KRTAP2-2: variants seen among roughly 807,000 people sequenced by gnomAD.
KRTAP2-2 encodes keratin associated protein 2-2.
In KRTAP2-2, 3 loss-of-function variants were observed where a neutral mutation model predicts 10.2. The ratio of observed to expected loss-of-function variants is 0.29; its 90% confidence interval spans 0.13 to 0.76. KRTAP2-2 has a LOEUF of 0.76. Ranked by LOEUF, KRTAP2-2 falls within the 30% of genes least tolerant of loss-of-function variation. KRTAP2-2 has a pLI of 0.67. For synonymous variants in KRTAP2-2, 20 were observed against 70.8 expected, an observed-to-expected ratio of 0.28 and a Z score of 3.60; for missense variants, 54 against 163.6, an observed-to-expected ratio of 0.33 and a Z score of 3.65.
chr17:41,055,197 G>A, exon 1 of KRTAP2-2: 1 of 1,421,430 alleles, frequency 7.0e-7, no homozygotes, highest in Non-Finnish European at 9.2e-7. Flanking sequence ...TGGAGCCGCA[G>A]CAGGAGCCGG....
chr17:41,055,193 C>T (rs1329667432), exon 1 of KRTAP2-2: 5 of 1,421,714 alleles, frequency 3.5e-6, no homozygotes, highest in East Asian at 2.5e-5. Context: ...AAGGTGGAGC[C>T]GCAGCAGGAG....
chr17:41,054,680 G>C, exon 1 of KRTAP2-2: 3 of 1,525,326 alleles, frequency 2.0e-6, no homozygotes, highest in South Asian at 1.2e-5. Flanking sequence ...ATTGCTCTGC[G>C]GTGAAGCCCT....
At chr17:41,055,028 C>T (rs1184430602) in exon 1 of KRTAP2-2, 16 of 1,108,478 alleles carry the variant, frequency 1.4e-5, no homozygotes, top group Non-Finnish European at 2.0e-5. Flanking sequence ...TCGCAGCACA[C>T]CGGGCGGCGG....
exon 1 of KRTAP2-2, chr17:41,055,129 G>C: frequency 7.5e-7 from 1 of 1,334,298 alleles, no homozygotes; most frequent in African/African-American, 1.6e-5. Flanking sequence ...GCAGCAGCAG[G>C]GGTCGCGGCA....
chr17:41,055,164 C>T (rs2013053878), exon 1 of KRTAP2-2: 2 of 1,394,698 alleles, frequency 1.4e-6, no homozygotes, highest in Non-Finnish European at 1.9e-6. Flanking sequence ...AGCAGCCTCC[C>T]CCGTAGCTCA....
chr17:41,054,785 G>A (rs402649), exon 1 of KRTAP2-2: 1 of 1,521,420 alleles, frequency 6.6e-7, no homozygotes, highest in African/African-American at 1.7e-5. Flanking sequence ...GTGCTGCAAG[G>A]GGTCGGCTGG....
chr17:41,054,710 C>T, exon 1 of KRTAP2-2: 1 of 1,536,706 alleles, frequency 6.5e-7, no homozygotes, highest in South Asian at 1.2e-5. Context: ...CGGGATGGAC[C>T]TGGCCATCTT....
rs395190 is a variant in KRTAP2-2, at chr17:41,054,758, A to G, written c.*82T>C. 0.017 allele frequency: 25,134 copies of G among 1,521,652 alleles called. 5,309 individuals carry two copies. The African/African-American group carries it at 0.39, about 23-fold the overall frequency. The allele number at this position is 1,521,652 out of a possible 1,614,324, so 94.3% of individuals were successfully genotyped here. A position where few individuals can be genotyped will look rare whatever the true frequency, so the allele number is the denominator to read the frequency against. On this transcript the variant is annotated 3_prime_UTR_variant, in exon 1 of 1. Coordinates refer to ENST00000398477, the Ensembl canonical transcript of KRTAP2-2. ...TCGTGATAACGGGCTGCTCAGCAGG[A>G]GGAGGTCCTGCAGGTGGTGCTGCAA...
In KRTAP2-2 at chr17:41,055,192, C is replaced by A. The variant is rs1440227426; in HGVS notation, c.20G>T (p.Gly7Val). The change falls in exon 1 of 1, where the codon GGC (glycine) becomes GTC (valine). Residue 7 changes from glycine (G) to valine (V), a missense_variant. Gly to Val is a moderately radical substitution (Grantham distance 109, BLOSUM62 -3). Transcript: ENST00000398477. ...GTAGCTCAGGGAGGAGAAGGTGGAG[C>A]CGCAGCAGGAGCCGGTCATGGTGGT... 2.5e-5 allele frequency: 36 copies of A among 1,419,634 alleles called. 1 individual carries two copies. The highest frequency in any genetic ancestry group is 2.1e-4 in the African/African-American group (14 of 67,070). The allele number at this position is 1,419,634 out of a possible 1,614,324, so 87.9% of individuals were successfully genotyped here.
exon 1 of KRTAP2-2, chr17:41,054,734 C>A: frequency 1.3e-6 from 2 of 1,534,704 alleles, no homozygotes; most frequent in Non-Finnish European, 1.7e-6. Context: ...AGGGGCCCTT[C>A]GTGATAACGG....
At chr17:41,054,548 G>A in exon 1 of KRTAP2-2, 1 of 688,558 alleles carries the variant, frequency 1.5e-6, no homozygotes, top group Non-Finnish European at 2.4e-6. Flanking sequence ...ACATGATATA[G>A]GAGTTAGACT....
At chr17:41,054,568 G>C in exon 1 of KRTAP2-2, 1 of 863,088 alleles carries the variant, frequency 1.2e-6, no homozygotes, top group South Asian at 1.8e-5. Context: ...TGGAGTCCTA[G>C]GAAAAGTATT....
chr17:41,054,531 G>A (rs1273623569), exon 1 of KRTAP2-2: 10 of 640,746 alleles, frequency 1.6e-5, no homozygotes, highest in Non-Finnish European at 2.4e-5. Context: ...TTATTAGAAA[G>A]CAGACAACAT....
chr17:41,054,734 C>T, exon 1 of KRTAP2-2: 2 of 1,534,704 alleles, frequency 1.3e-6, no homozygotes, highest in Middle Eastern at 2.3e-4. Flanking sequence ...AGGGGCCCTT[C>T]GTGATAACGG....
chr17:41,054,967 G>T lies in KRTAP2-2; in HGVS notation c.245C>A (p.Ser82Ter), dbSNP rs1305911983. 1.8e-6 allele frequency: 2 copies of T among 1,135,290 alleles called. No homozygotes were observed. The highest frequency in any genetic ancestry group is 2.5e-5 in the Admixed American group (1 of 39,900). The allele number at this position is 1,135,290 out of a possible 1,614,324, so 70.3% of individuals were successfully genotyped here. A position where few individuals can be genotyped will look rare whatever the true frequency, so the allele number is the denominator to read the frequency against. Residue 82 changes from serine (S) to a stop codon, truncating the protein, a stop_gained, in exon 1 of 1, where the codon TCG becomes TAG. Transcript: ENST00000398477. LOFTEE classifies it high-confidence loss of function. ...CCTGCACACCACAGCCGTGCACGAC[G>T]AGGGGCAGCAGGTGATGGGGCGGCA... is the stretch of plus-strand genomic sequence containing the variant.
chr17:41,054,570 A>T, exon 1 of KRTAP2-2: 1 of 877,120 alleles, frequency 1.1e-6, no homozygotes, highest in Non-Finnish European at 1.7e-6. Flanking sequence ...GAGTCCTAGG[A>T]AAAGTATTTC....
rs751182325 is a variant in KRTAP2-2 at position 41,054,870 on chromosome 17, G to T, written c.342C>A (p.Cys114Ter). Reference sequence around the variant, plus strand: ...AGGAGGAGGTCCTGCAGGTGGTGCTGCAAGGGGTCGGCTGGCCGCAGGGGG... The same window carrying T: ...AGGAGGAGGTCCTGCAGGTGGTGCTTCAAGGGGTCGGCTGGCCGCAGGGGG... The change falls in exon 1 of 1, where the codon TGC becomes TGA. Residue 114 changes from cysteine (C) to a stop codon, truncating the protein, a stop_gained. Transcript: ENST00000398477. LOFTEE classifies it high-confidence loss of function. 7 of 1,469,128 alleles carry T rather than the reference G, an allele frequency of 4.8e-6. No homozygotes were observed. The African/African-American group carries it at 1.5e-4, about 31-fold the overall frequency. The allele number at this position is 1,469,128 out of a possible 1,614,324, so 91.0% of individuals were successfully genotyped here.
exon 1 of KRTAP2-2, chr17:41,055,125 G>A: frequency 7.5e-7 from 1 of 1,332,270 alleles, no homozygotes; most frequent in Non-Finnish European, 1.0e-6. Context: ...GGCGGCAGCA[G>A]CAGGGGTCGC....
At chr17:41,055,215 G>A in exon 1 of KRTAP2-2, 1 of 1,405,814 alleles carries the variant, frequency 7.1e-7, no homozygotes, top group Non-Finnish European at 9.3e-7. Flanking sequence ...CGGTCATGGT[G>A]GTGTCTGAGG....
Sources: gnomAD v4.1 joint callset for allele counts on GRCh38, gnomAD v4.1.1 for gene constraint, MANE v1.5 for transcripts, NCBI Gene and HGNC (gene_info 2026-07-23, HGNC 2026-07-21) for gene names.